CDH18: variants seen among roughly 807,000 people sequenced by gnomAD.
CDH18 encodes cadherin-18.
Under a neutral mutation model 67.9 loss-of-function variants are expected in CDH18, and 31 were observed. That is an observed-to-expected ratio of 0.46 (90% confidence interval 0.34 to 0.62). The LOEUF (loss-of-function observed/expected upper bound fraction) is 0.62, where lower values mean the gene tolerates loss of function less well. Among genes scored for constraint, CDH18 ranks in the 20% least tolerant of loss-of-function variants. The pLI is 0.01. For missense variants in CDH18, 890 were observed against 975.5 expected, an observed-to-expected ratio of 0.91 and a Z score of 1.17; for synonymous variants, 362 against 347.2, an observed-to-expected ratio of 1.04 and a Z score of -0.48.
chr5:19,596,947 C>T (rs1484266459), intron 6 of CDH18, among the ~76,000 whole-genome samples: 1 of 152,314 alleles, frequency 6.6e-6, no homozygotes, highest in East Asian at 1.9e-4. Context: ...TCCTGCTGAT[C>T]ATGTCCTTGA....
intron 2 of CDH18, among the ~76,000 whole-genome samples, chr5:20,211,128 T>G (rs753567849): frequency 1.3e-5 from 2 of 152,126 alleles, no homozygotes; most frequent in Non-Finnish European, 2.9e-5. Context: ...ATAAAAATTA[T>G]GTTTATAATA....
intron 2 of CDH18, among the ~76,000 whole-genome samples, chr5:19,926,759 AT>A (rs977169876): frequency 3.3e-5 from 5 of 152,066 alleles, no homozygotes; most frequent in African/African-American, 1.2e-4. Flanking sequence ...CAGTGTATCA[AT>A]TTCCAATTTT....
intron 1 of CDH18, among the ~76,000 whole-genome samples, chr5:20,506,946 A>G (rs971463122): frequency 1.3e-5 from 2 of 152,110 alleles, no homozygotes; most frequent in Non-Finnish European, 1.5e-5. Flanking sequence ...TGGCAGATCT[A>G]GCACTGAAAA....
chr5:19,738,652 T>C lies in CDH18; in HGVS notation c.523+8290A>G, dbSNP rs1051916923. ...GTATTTTCTCTTGCAAATTGACCAG[T>C]TTTATTAGGGAATTCCAAGTCTGGC... is the stretch of plus-strand genomic sequence containing the variant. On this transcript the variant is annotated intron_variant, in intron 4 of 12. Transcript: ENST00000382275. 1.4e-4 allele frequency among the ~76,000 whole-genome samples: 22 copies of C among 152,146 alleles called. 1 individual carries two copies. The highest frequency in any genetic ancestry group is 1.5e-5 in the Non-Finnish European group (1 of 68,024).
upstream of CDH18, among the ~76,000 whole-genome samples, chr5:19,988,623 A>G (rs1281964729): frequency 6.6e-6 from 1 of 151,882 alleles, no homozygotes; most frequent in Non-Finnish European, 1.5e-5. Context: ...GGGGAGCGAG[A>G]GGGGTTTGAC....
At chr5:19,949,735 T>G (rs1795607710) in intron 2 of CDH18, among the ~76,000 whole-genome samples, 1 of 152,148 alleles carries the variant, frequency 6.6e-6, no homozygotes, top group Admixed American at 6.6e-5. Context: ...TGGCCAGTTT[T>G]GGCCTACCAC....
At chr5:20,455,586 A>C (rs1323499331) in intron 1 of CDH18, among the ~76,000 whole-genome samples, 1 of 152,156 alleles carries the variant, frequency 6.6e-6, no homozygotes, top group Non-Finnish European at 1.5e-5. Flanking sequence ...AATATGCCTT[A>C]TGTAGAAAAT....
intron 1 of CDH18, among the ~76,000 whole-genome samples, chr5:20,371,186 G>A (rs1742970478): frequency 6.6e-6 from 1 of 152,030 alleles, no homozygotes; most frequent in South Asian, 2.1e-4. Flanking sequence ...TATAGGGAGG[G>A]GGAGGGTTGG....
chr5:19,828,398 G>A (rs2149981500), intron 3 of CDH18, among the ~76,000 whole-genome samples: 1 of 152,012 alleles, frequency 6.6e-6, no homozygotes, highest in Middle Eastern at 3.4e-3. Flanking sequence ...ACAAAAATCT[G>A]TCAGATACAC....
chr5:20,199,671 A>C (rs1036269543), intron 2 of CDH18, among the ~76,000 whole-genome samples: 3 of 152,166 alleles, frequency 2.0e-5, no homozygotes, highest in Admixed American at 1.3e-4. Flanking sequence ...GGGAGGGTCC[A>C]GAGGCAAAAT....
At chr5:20,112,206 A>T (rs184058520) in intron 2 of CDH18, among the ~76,000 whole-genome samples, 23 of 152,284 alleles carry the variant, frequency 1.5e-4, no homozygotes. Context: ...AGTTAACAAT[A>T]ATCCACCCCA....
chr5:19,794,590 C>A (rs1776673014), intron 3 of CDH18, among the ~76,000 whole-genome samples: 1 of 152,012 alleles, frequency 6.6e-6, no homozygotes, highest in Non-Finnish European at 1.5e-5. Context: ...TCTCTCTCCC[C>A]TAATATTCTA....
intron 2 of CDH18, among the ~76,000 whole-genome samples, chr5:19,850,336 A>G (rs931166928): frequency 9.2e-5 from 14 of 151,958 alleles, no homozygotes; most frequent in African/African-American, 3.4e-4. Context: ...TATTAAAACT[A>G]GTATACAATC....
rs761133978 is a variant in CDH18 at position 19,503,025 on chromosome 5, C to T, written c.1597G>A (p.Val533Ile). 2.5e-6 allele frequency: 4 copies of T among 1,610,640 alleles called. No homozygotes were observed. The highest frequency in any genetic ancestry group is 1.1e-5 in the South Asian group (1 of 91,004). The change falls in exon 11 of 13, where the codon GTA becomes ATA. Residue 533 changes from valine (V) to isoleucine (I), a missense_variant. Around this residue, in one of 2 missense-constraint regions of CDH18, gnomAD observed 656 missense variants for 668.1 expected, o/e 0.98. Transcript: ENST00000382275. ...TCCTTCAGAGTGAAGTTTGGATTTA[C>T]AGGCAGGCGTTCATCAAGAAAGAAG... ...FNFFLDERLP[V>I]NPNFTLKDNE...
chr5:19,473,430 T>G lies in CDH18; in HGVS notation c.2169A>C (p.Ala723=), dbSNP rs751794046. 6.8e-6 allele frequency: 11 copies of G among 1,613,786 alleles called. No homozygotes were observed. The highest frequency in any genetic ancestry group is 1.6e-4 in the Middle Eastern group (1 of 6,084). Residue 723 remains alanine, a synonymous_variant, in exon 13 of 13, where the codon GCA becomes GCC. Coordinates refer to ENST00000382275, the MANE Select transcript of CDH18 (RefSeq NM_004934.5). ...AAGGGGGAACGCTAGGGTCTAGGTC[T>G]GCTTCTGCCAGTCTTTGCTTAATAA... The part of the protein sequence containing the change: ...QEFIKQRLAE[A]DLDPSVPPYD...
At chr5:20,056,478 G>GTTTT (rs58415003) in intron 2 of CDH18, among the ~76,000 whole-genome samples, 1 of 16,288 alleles carries the variant, frequency 6.1e-5, no homozygotes, top group African/African-American at 2.1e-4. Context: ...TCTTTCTTTT[G>GTTTT]TTTTTTTTTT....
At chr5:19,690,330 A>G (rs1324246801) in intron 5 of CDH18, among the ~76,000 whole-genome samples, 1 of 151,670 alleles carries the variant, frequency 6.6e-6, no homozygotes, top group Non-Finnish European at 1.5e-5. Flanking sequence ...GTTTATATCA[A>G]TAAATACCTA....
intron 5 of CDH18, among the ~76,000 whole-genome samples, chr5:19,715,255 C>T (rs896542808): frequency 6.6e-6 from 1 of 152,140 alleles, no homozygotes; most frequent in Non-Finnish European, 1.5e-5. Flanking sequence ...ATGAATTTAA[C>T]TACTTTATGC....
chr5:20,496,094 A>T (rs1355058), intron 1 of CDH18, among the ~76,000 whole-genome samples: 140,544 of 152,092 alleles, frequency 0.92, 65,357 homozygotes, highest in South Asian at 0.98. Context: ...AGTAATTAAG[A>T]CTGTGATGAA....
Sources: allele counts gnomAD v4.1 joint callset (sites outside exome capture counted in the v4.1 genomes callset), GRCh38; gene constraint gnomAD v4.1.1; regional missense constraint gnomAD v4.1.1; transcripts MANE v1.5; gene names NCBI Gene and HGNC (gene_info 2026-07-23, HGNC 2026-07-21).